The following NTM variants were observed in gnomAD, a reference collection of about 807,000 sequenced individuals.
NTM encodes neurotrimin, also known as IgLON family member 2.
NTM carries 13 observed loss-of-function variants against 42.1 expected under a neutral mutation model. The ratio of observed to expected loss-of-function variants is 0.31; its 90% CI spans 0.20 to 0.49. The LOEUF is 0.49. Ranked by LOEUF, NTM falls within the 20% of genes least tolerant of loss-of-function variation. The pLI is 0.99. For missense variants in NTM, 373 were observed against 452.8 expected (o/e 0.82, Z 1.60); for synonymous variants, 187 against 179.2 (o/e 1.04, Z -0.35).
At chr11:131,610,654 G>T (rs1162257989) in intron 1 of NTM, among the ~76,000 whole-genome samples, 2 of 152,170 alleles carry the variant, frequency 1.3e-5, no homozygotes, top group African/African-American at 4.8e-5. Context: ...TCCAGCCCCT[G>T]AGAAGTGTTC....
intron 2 of NTM, among the ~76,000 whole-genome samples, chr11:132,131,553 G>A (rs538116593): frequency 5.3e-5 from 8 of 152,256 alleles, no homozygotes; most frequent in Non-Finnish European, 1.2e-4. Context: ...GTGTGTGGGC[G>A]AGTAAGTAGG....
At chr11:131,859,538 C>T (rs2046414154) in intron 1 of NTM, among the ~76,000 whole-genome samples, 1 of 152,142 alleles carries the variant, frequency 6.6e-6, no homozygotes, top group Admixed American at 6.6e-5. Flanking sequence ...GAGGGTGATG[C>T]TCTGAGACTT....
chr11:131,566,892 G>A (rs1565647211), intron 1 of NTM, among the ~76,000 whole-genome samples: 1 of 152,272 alleles, frequency 6.6e-6, no homozygotes, highest in Non-Finnish European at 1.5e-5. Flanking sequence ...TCAATTGCCT[G>A]TGATTAGAAG....
chr11:131,867,885 G>C (rs767722964), intron 1 of NTM, among the ~76,000 whole-genome samples: 1 of 152,102 alleles, frequency 6.6e-6, no homozygotes, highest in African/African-American at 2.4e-5. Flanking sequence ...ACAGTTTTGC[G>C]GGAGGCCAGG....
intron 1 of NTM, among the ~76,000 whole-genome samples, chr11:131,375,219 C>A (rs538993553): frequency 6.0e-4 from 92 of 152,156 alleles, no homozygotes; most frequent in Admixed American, 1.8e-3. Context: ...CCCACCAGGC[C>A]GGGGAGCGAC....
intron 3 of NTM, among the ~76,000 whole-genome samples, chr11:132,194,148 AAACAACAAC>A (rs372400785): frequency 6.6e-6 from 1 of 151,974 alleles, no homozygotes; most frequent in African/African-American, 2.4e-5. Flanking sequence ...TGAAACAAAC[AAACAACAAC>A]AACAACAACA....
chr11:131,675,456 A>G (rs1241768302), intron 1 of NTM, among the ~76,000 whole-genome samples: 1 of 152,206 alleles, frequency 6.6e-6, no homozygotes, highest in Non-Finnish European at 1.5e-5. Flanking sequence ...TGGCCGCATT[A>G]ATTAATCATT....
chr11:132,051,943 C>A (rs2078911904), intron 2 of NTM, among the ~76,000 whole-genome samples: 1 of 152,126 alleles, frequency 6.6e-6, no homozygotes, highest in Admixed American at 6.5e-5. Context: ...CCAGTGAGCT[C>A]ACTGAGGGAT....
chr11:131,920,980 T>A (rs2138220898), intron 2 of NTM, among the ~76,000 whole-genome samples: 1 of 152,254 alleles, frequency 6.6e-6, no homozygotes, highest in East Asian at 1.9e-4. Flanking sequence ...TTGGACAAAT[T>A]TACCTGTCAG....
intron 1 of NTM, among the ~76,000 whole-genome samples, chr11:131,460,074 G>A (rs554957138): frequency 6.6e-6 from 1 of 152,310 alleles, no homozygotes; most frequent in East Asian, 1.9e-4. Context: ...TTCCCGAAAA[G>A]TTGAGATATG....
chr11:131,516,309 C>T (rs555839188), intron 1 of NTM, among the ~76,000 whole-genome samples: 264 of 152,324 alleles, frequency 1.7e-3, no homozygotes, highest in African/African-American at 5.9e-3. Context: ...TAGTACATTT[C>T]TAGGGCTTCT....
intron 1 of NTM, among the ~76,000 whole-genome samples, chr11:131,622,191 A>G (rs1056098954): frequency 1.3e-5 from 2 of 152,236 alleles, no homozygotes; most frequent in Non-Finnish European, 2.9e-5. Flanking sequence ...GTAATTAGGT[A>G]AAAGTGCTAA....
At chr11:131,419,072 C>T (rs1476780432) in intron 1 of NTM, among the ~76,000 whole-genome samples, 2 of 152,134 alleles carry the variant, frequency 1.3e-5, no homozygotes, top group Admixed American at 6.5e-5. Flanking sequence ...TTTACCCACC[C>T]ATCTGTTCAT....
chr11:131,408,189 A>G (rs1946016565), intron 1 of NTM, among the ~76,000 whole-genome samples: 1 of 152,200 alleles, frequency 6.6e-6, no homozygotes, highest in Non-Finnish European at 1.5e-5. Flanking sequence ...GCTCTGGTCC[A>G]GGAATGGCCA....
Position 131,655,841 on chromosome 11 carries a change from A to T in NTM, c.83-255723A>T, listed in dbSNP as rs529631677. Among the ~76,000 whole-genome samples the T allele has an allele frequency of 7.9e-5, 12 of 152,364 alleles. No homozygotes were observed. The East Asian group carries it at 2.3e-3, about 29-fold the overall frequency. On this transcript the variant is annotated intron_variant, in intron 1 of 8. Transcript: ENST00000683400. ...GCTGCTCAGAGAAATTCTAGTCTCCACTGGAAGACCCAGAGCAGCATAGAA... is the reference window on the plus strand; with the variant it reads ...GCTGCTCAGAGAAATTCTAGTCTCCTCTGGAAGACCCAGAGCAGCATAGAA...
chr11:132,194,924 G>A (rs1432958088), intron 3 of NTM, among the ~76,000 whole-genome samples: 7 of 146,540 alleles, frequency 4.8e-5, no homozygotes, highest in Non-Finnish European at 3.0e-5. Context: ...CCAGTTTCAA[G>A]TGATTCTTGT....
intron 3 of NTM, among the ~76,000 whole-genome samples, chr11:132,197,507 AT>A (rs1295067254): frequency 6.6e-6 from 1 of 151,376 alleles, no homozygotes; most frequent in African/African-American, 2.4e-5. Context: ...TTGATTTTTA[AT>A]TTTTTTATTA....
intron 1 of NTM, among the ~76,000 whole-genome samples, chr11:131,748,599 G>A (rs2082106716): frequency 6.6e-6 from 1 of 152,168 alleles, no homozygotes; most frequent in South Asian, 2.1e-4. Flanking sequence ...TCCATGAAGT[G>A]ATTTTATTTT....
chr11:131,395,461 T>C (rs1944446880), intron 1 of NTM, among the ~76,000 whole-genome samples: 1 of 152,150 alleles, frequency 6.6e-6, no homozygotes, highest in Admixed American at 6.5e-5. Context: ...TGCAAACTTT[T>C]TTCTCTCTTT....
Sources: allele counts gnomAD v4.1 joint callset (sites outside exome capture counted in the v4.1 genomes callset), GRCh38; gene constraint gnomAD v4.1.1; transcripts MANE v1.5; gene names NCBI Gene and HGNC (gene_info 2026-07-23, HGNC 2026-07-21).